The following MACO1 variants were observed in gnomAD, a reference collection of about 807,000 sequenced individuals.
MACO1 encodes macoilin.
MACO1 carries 14 observed loss-of-function variants against 78.7 expected under a neutral mutation model. The ratio of observed to expected loss-of-function variants is 0.18; its 90% CI spans 0.12 to 0.28. The LOEUF is 0.28. Among genes scored for constraint, MACO1 ranks in the 10% least tolerant of loss-of-function variants. MACO1 has a pLI of 1.00. For synonymous variants in MACO1, 288 were observed against 291.6 expected (o/e 0.99, Z 0.12); for missense variants, 501 against 799.0 (o/e 0.63, Z 4.50).
chr1:25,442,995 G>A (rs951847410), intron 1 of MACO1, among the ~76,000 whole-genome samples: 2 of 152,134 alleles, frequency 1.3e-5, no homozygotes, highest in Admixed American at 1.3e-4. Flanking sequence ...AATGAACTGT[G>A]TATAAAAGTA....
intron 2 of MACO1, among the ~76,000 whole-genome samples, chr1:25,448,272 A>G (rs1285312099): frequency 1.3e-5 from 2 of 152,080 alleles, no homozygotes; most frequent in African/African-American, 2.4e-5. Flanking sequence ...AGACCACCCT[A>G]GCTAACATGG....
chr1:25,492,596 G>A (rs1208675376), intron 10 of MACO1, among the ~76,000 whole-genome samples: 2 of 152,248 alleles, frequency 1.3e-5, no homozygotes, highest in African/African-American at 4.8e-5. Context: ...GAGCAGACAG[G>A]AGTAACAGCA....
At chr1:25,455,336 T>TA (rs1219063366) in intron 4 of MACO1, among the ~76,000 whole-genome samples, 9 of 152,210 alleles carry the variant, frequency 5.9e-5, no homozygotes, top group African/African-American at 2.2e-4. Context: ...TTGTGGAACT[T>TA]ACCACCTAAT....
rs761356522 is a variant in MACO1 at position 25,446,894 on chromosome 1, C to T, written c.213C>T (p.Tyr71=). ...GAAGCGTCTATGATTCCTTCAGATACCAGGGACTGGTATGTCTGGTAATAC... is the reference window on the plus strand; with the variant it reads ...GAAGCGTCTATGATTCCTTCAGATATCAGGGACTGGTATGTCTGGTAATAC... The part of the protein sequence containing the change: ...FIRSVYDSFR[Y]QGLAFSVFFV... Residue 71 remains tyrosine, a synonymous_variant, in exon 2 of 11, where the codon TAC becomes TAT. Coordinates refer to ENST00000374343, the MANE Select transcript of MACO1 (RefSeq NM_018202.6). 1 of 1,612,734 alleles carries T rather than the reference C, an allele frequency of 6.2e-7. No homozygotes were observed. Among genetic ancestry groups the T allele is most frequent in the Non-Finnish European group, 8.5e-7 (1 of 1,179,556 alleles).
At position 25,446,742 on chromosome 1, in the gene MACO1, T is replaced by A. The variant is rs780322382; in HGVS notation, c.81-20T>A. 14 of 1,580,722 alleles carry A rather than the reference T, an allele frequency of 8.9e-6. No homozygotes were observed. Among genetic ancestry groups the A allele is most frequent in the Non-Finnish European group, 1.7e-6 (2 of 1,164,892 alleles). On this transcript the variant is annotated intron_variant, in intron 1 of 10. Transcript: ENST00000374343. ...TTCACAAATGACCTTAAATTAATTCTTTATTTTTATATTTTGCAGTACATT... is the reference window on the plus strand; with the variant it reads ...TTCACAAATGACCTTAAATTAATTCATTATTTTTATATTTTGCAGTACATT...
chr1:25,487,876 T>C (rs2043448265), intron 8 of MACO1, among the ~76,000 whole-genome samples: 1 of 152,200 alleles, frequency 6.6e-6, no homozygotes, highest in African/African-American at 2.4e-5. Context: ...TTCTTATCCC[T>C]ATTCTAAGAC....
At chr1:25,468,229 C>T (rs568025865) in intron 6 of MACO1, among the ~76,000 whole-genome samples, 1 of 152,286 alleles carries the variant, frequency 6.6e-6, no homozygotes, top group East Asian at 1.9e-4. Flanking sequence ...TGAAAGCTTA[C>T]AGGATCTCTG....
At chr1:25,494,536 G>A (rs1190866026) in intron 10 of MACO1, among the ~76,000 whole-genome samples, 1 of 152,168 alleles carries the variant, frequency 6.6e-6, no homozygotes, top group Non-Finnish European at 1.5e-5. Flanking sequence ...GGAAGAAAGA[G>A]GGGACGTGTT....
chr1:25,441,249 G>T (rs1557658322), intron 1 of MACO1, among the ~76,000 whole-genome samples: 1 of 151,992 alleles, frequency 6.6e-6, no homozygotes, highest in Non-Finnish European at 1.5e-5. Context: ...GGAGCTCAGT[G>T]GTATGATCTC....
chr1:25,448,994 T>C, intron 3 of MACO1, 60 bp downstream of exon 3: 1 of 1,369,854 alleles, frequency 7.3e-7, no homozygotes, highest in South Asian at 2.2e-5. Flanking sequence ...TTAAATGTGG[T>C]TATTTCTTTG....
chr1:25,466,823 A>G (rs1453890676), intron 6 of MACO1, among the ~76,000 whole-genome samples: 1 of 152,102 alleles, frequency 6.6e-6, no homozygotes, highest in African/African-American at 2.4e-5. Context: ...TCTTTCATAG[A>G]TCATGCCTTT....
chr1:25,496,182 CTG>C (rs1365435805), intron 10 of MACO1, among the ~76,000 whole-genome samples: 1 of 146,540 alleles, frequency 6.8e-6, no homozygotes, highest in Non-Finnish European at 1.5e-5. Context: ...GACAGGGTCT[CTG>C]TCGCCCAGGC....
chr1:25,477,985 C>A (rs920908504), intron 6 of MACO1, among the ~76,000 whole-genome samples: 20 of 152,214 alleles, frequency 1.3e-4, no homozygotes, highest in African/African-American at 4.8e-4. Context: ...GTGGCTCAGG[C>A]CTGTAATCCC....
chr1:25,441,563 CAG>C (rs1241399673), intron 1 of MACO1, among the ~76,000 whole-genome samples: 2 of 152,194 alleles, frequency 1.3e-5, no homozygotes, highest in African/African-American at 4.8e-5. Context: ...GGAGATAAAA[CAG>C]GGAACAAAAT....
In MACO1 at chr1:25,431,032, AGCGGCGGCGGCAGCTGAGGTGAGAGACG is replaced by A. The variant is rs1182111704; in HGVS notation, c.-55_-28del. The A allele has an allele frequency of 6.8e-6, 8 of 1,172,662 alleles. No individual in the cohort carries two copies. Among genetic ancestry groups the A allele is most frequent in the Non-Finnish European group, 9.0e-6 (8 of 890,648 alleles). The allele number at this position is 1,172,662 out of a possible 1,614,324, so 72.6% of individuals were successfully genotyped here. A position where few individuals can be genotyped will look rare whatever the true frequency, so the allele number is the denominator to read the frequency against. On this transcript the variant is annotated 5_prime_UTR_variant, in exon 1 of 11. Coordinates refer to ENST00000374343, the MANE Select transcript of MACO1 (RefSeq NM_018202.6). ...GTCCAGGCCCGACGCGGGGCGGGCC[AGCGGCGGCGGCAGCTGAGGTGAGAGACG>A]GCGGCGGCGGCGCGGGCACCCGGCC...
Position 25,449,151 on chromosome 1 carries a change from G to A in MACO1, c.349+217G>A, listed in dbSNP as rs1019272197. Among the ~76,000 whole-genome samples, 4 of 151,832 alleles carry A rather than the reference G, an allele frequency of 2.6e-5. 1 individual carries two copies. In the South Asian group the frequency reaches 8.3e-4, roughly 32 times the overall value. On this transcript the variant is annotated intron_variant, in intron 3 of 10. Transcript: ENST00000374343. ...TTATGATTTGATATTTTAATTACAGGCATTGCAGGTACCAGCTCTCACTCT... is the reference window on the plus strand; with the variant it reads ...TTATGATTTGATATTTTAATTACAGACATTGCAGGTACCAGCTCTCACTCT...
chr1:25,449,681 G>A (rs2043047405), intron 3 of MACO1, among the ~76,000 whole-genome samples: 1 of 152,084 alleles, frequency 6.6e-6, no homozygotes, highest in Non-Finnish European at 1.5e-5. Flanking sequence ...ATCTAAAGAG[G>A]CTTTCCCAGA....
At chr1:25,480,928 AAATAT>A (rs1203142830) in intron 6 of MACO1, among the ~76,000 whole-genome samples, 1 of 26,898 alleles carries the variant, frequency 3.7e-5, no homozygotes, top group Non-Finnish European at 7.3e-5. Context: ...AAAAAAAAAA[AAATAT>A]ATATATATAT....
intron 10 of MACO1, among the ~76,000 whole-genome samples, chr1:25,495,268 G>T (rs1408571605): frequency 2.6e-5 from 4 of 152,210 alleles, no homozygotes; most frequent in Non-Finnish European, 5.9e-5. Context: ...GTGCTCTGCT[G>T]TCAGCCCAGA....
Sources: gnomAD v4.1 joint callset for allele counts (sites outside exome capture counted in the v4.1 genomes callset) on GRCh38, gnomAD v4.1.1 for gene constraint, MANE v1.5 for transcripts, NCBI Gene and HGNC (gene_info 2026-07-23, HGNC 2026-07-21) for gene names.